SLCO1B1: variants seen among roughly 807,000 people sequenced by gnomAD.
SLCO1B1 encodes the protein OATP-2.
A neutral mutation model predicts 70.1 loss-of-function variants in SLCO1B1; 81 were observed. The ratio of observed to expected loss-of-function variants is 1.16; its 90% CI spans 0.97 to 1.39. SLCO1B1 has a LOEUF of 1.39. Among genes scored for constraint, SLCO1B1 ranks in the 40% most tolerant of loss-of-function variants. SLCO1B1 has a pLI of 0.00. For missense variants in SLCO1B1, 895 were observed against 799.6 expected (o/e 1.12, Z -1.44); for synonymous variants, 283 against 271.5 (o/e 1.04, Z -0.42).
rs1203654466 is a variant in SLCO1B1, at chr12:21,176,757, T to A, written c.360-19T>A. 2 of 1,507,346 alleles carry A rather than the reference T, an allele frequency of 1.3e-6. No homozygotes were observed. The highest frequency in any genetic ancestry group is 1.8e-6 in the Non-Finnish European group (2 of 1,085,644). The allele number at this position is 1,507,346 out of a possible 1,614,324, so 93.4% of individuals were successfully genotyped here. On this transcript the variant is annotated intron_variant, in intron 4 of 14. Coordinates refer to ENST00000256958, the MANE Select transcript of SLCO1B1 (RefSeq NM_006446.5). ...TTCAGTAGATAAGCAAAATGTTTAA[T>A]TCAGTGATGTTCTTACAGTTACAGG...
At chr12:21,199,963 G>T (rs1231452016) in intron 8 of SLCO1B1, among the ~76,000 whole-genome samples, 2 of 151,952 alleles carry the variant, frequency 1.3e-5, no homozygotes, top group Non-Finnish European at 2.9e-5. Context: ...CATCGTGCTG[G>T]CCAATGTTTG....
rs569043590 is a variant in SLCO1B1, at chr12:21,182,731, G to A, written c.727+3711G>A. On this transcript the variant is annotated intron_variant, in intron 7 of 14. Transcript: ENST00000256958. ...GGCCAGACAGTGGAGACACAGGCTA[G>A]TCCCAAAACCCCAGGGCTGCAGTGC... Among the ~76,000 whole-genome samples, 23 of 152,288 alleles carry A rather than the reference G, an allele frequency of 1.5e-4. No individual in the cohort carries two copies. In the East Asian group the frequency reaches 3.3e-3, roughly 22 times the overall value.
In SLCO1B1 at chr12:21,153,863, T is replaced by C. The variant is rs755551238; in HGVS notation, c.84+12205T>C. On this transcript the variant is annotated intron_variant, in intron 2 of 14. Coordinates refer to ENST00000256958, the MANE Select transcript of SLCO1B1 (RefSeq NM_006446.5). ...ATTTGGGCTATTATTTATACACCTATAAAATTTTCTCTAAGTGGTTATATT... is the reference window on the plus strand; with the variant it reads ...ATTTGGGCTATTATTTATACACCTACAAAATTTTCTCTAAGTGGTTATATT... Among the ~76,000 whole-genome samples, 63 of 152,104 alleles carry C rather than the reference T, an allele frequency of 4.1e-4. 1 individual carries two copies. The highest frequency in any genetic ancestry group is 5.6e-4 in the Non-Finnish European group (38 of 67,910).
intron 4 of SLCO1B1, among the ~76,000 whole-genome samples, chr12:21,176,222 C>T (rs1040257602): frequency 2.6e-5 from 4 of 152,040 alleles, no homozygotes; most frequent in Non-Finnish European, 5.9e-5. Context: ...AGCATAATGC[C>T]TGGAATACAG....
intron 8 of SLCO1B1, among the ~76,000 whole-genome samples, chr12:21,198,915 T>C (rs1312093793): frequency 2.0e-5 from 3 of 152,266 alleles, no homozygotes; most frequent in South Asian, 4.1e-4. Flanking sequence ...GCAACGCTTG[T>C]GTGAATGTAT....
At chr12:21,149,524 G>A (rs553487540) in intron 2 of SLCO1B1, among the ~76,000 whole-genome samples, 2 of 152,128 alleles carry the variant, frequency 1.3e-5, no homozygotes, top group Non-Finnish European at 2.9e-5. Flanking sequence ...TTTGAGACTG[G>A]TTAGACAGTG....
chr12:21,174,415 A>T (rs946992888), intron 3 of SLCO1B1, among the ~76,000 whole-genome samples, 162 bp from the exon 4 acceptor site: 12 of 152,232 alleles, frequency 7.9e-5, no homozygotes, highest in African/African-American at 2.9e-4. Context: ...CAACTTTTCA[A>T]TGAGTGGTCT....
chr12:21,181,354 A>G (rs1436162389), intron 7 of SLCO1B1, among the ~76,000 whole-genome samples: 1 of 152,166 alleles, frequency 6.6e-6, no homozygotes, highest in Non-Finnish European at 1.5e-5. Context: ...AAGTCATCAA[A>G]ATTACATTTG....
intron 2 of SLCO1B1, among the ~76,000 whole-genome samples, chr12:21,161,886 T>C (rs1338881423): frequency 2.0e-5 from 3 of 152,062 alleles, no homozygotes; most frequent in Non-Finnish European, 4.4e-5. Flanking sequence ...CATGTGCCCA[T>C]AGTCCTAGCT....
intron 1 of SLCO1B1, among the ~76,000 whole-genome samples, chr12:21,139,582 TAGTG>T (rs752498445): frequency 5.9e-5 from 9 of 152,142 alleles, no homozygotes; most frequent in Non-Finnish European, 1.2e-4. Context: ...TTGAATAAAT[TAGTG>T]AATAAAATAT....
chr12:21,215,019 G>A (rs189478184), intron 11 of SLCO1B1, among the ~76,000 whole-genome samples: 1,761 of 152,244 alleles, frequency 0.012, 20 homozygotes, highest in Middle Eastern at 0.024. Flanking sequence ...GAAATCACCC[G>A]TCTTCTGCGT....
intron 2 of SLCO1B1, among the ~76,000 whole-genome samples, chr12:21,171,814 A>T (rs7136445): frequency 1.3e-5 from 2 of 151,718 alleles, no homozygotes; most frequent in African/African-American, 4.8e-5. Flanking sequence ...CCATATCCTC[A>T]TTGTGTCATC....
At chr12:21,219,195 C>T (rs2417968) in intron 12 of SLCO1B1, among the ~76,000 whole-genome samples, 1 of 151,846 alleles carries the variant, frequency 6.6e-6, no homozygotes, top group African/African-American at 2.4e-5. Flanking sequence ...AAATAAATCA[C>T]AGTTAAGAAA....
At chr12:21,200,750 G>A in intron 9 of SLCO1B1, 78 bp downstream of exon 9, 1 of 1,272,098 alleles carries the variant, frequency 7.9e-7, no homozygotes, top group Non-Finnish European at 1.1e-6. Context: ...ATTTTATTGT[G>A]AAAGTGATTT....
intron 7 of SLCO1B1, among the ~76,000 whole-genome samples, chr12:21,189,931 AC>A (rs1210999570): frequency 6.6e-6 from 1 of 152,170 alleles, no homozygotes; most frequent in Non-Finnish European, 1.5e-5. Flanking sequence ...AAGAATAGTC[AC>A]CCTGCTGCAT....
intron 11 of SLCO1B1, among the ~76,000 whole-genome samples, chr12:21,209,831 G>C (rs1941259137): frequency 6.6e-6 from 1 of 151,920 alleles, no homozygotes; most frequent in South Asian, 2.1e-4. Flanking sequence ...ATTTTTTCAT[G>C]TGTTTTTTGG....
At chr12:21,234,243 T>C (rs932357361) in intron 14 of SLCO1B1, among the ~76,000 whole-genome samples, 2 of 151,288 alleles carry the variant, frequency 1.3e-5, no homozygotes, top group Non-Finnish European at 3.0e-5. Flanking sequence ...GGCCACAGGA[T>C]GAGATAGGCC....
intron 14 of SLCO1B1, among the ~76,000 whole-genome samples, chr12:21,238,328 C>T (rs927878326): frequency 2.6e-5 from 4 of 151,908 alleles, no homozygotes; most frequent in Admixed American, 2.0e-4. Context: ...TTACATTGTC[C>T]ATCTGTTATT....
intron 7 of SLCO1B1, among the ~76,000 whole-genome samples, chr12:21,179,489 G>A (rs11045821): frequency 0.11 from 16,676 of 152,102 alleles, 1,192 homozygotes; most frequent in Non-Finnish European, 0.16. Context: ...AGGGCTTGGC[G>A]TATGGCAATG....
Sources: allele counts gnomAD v4.1 joint callset (sites outside exome capture counted in the v4.1 genomes callset), GRCh38; gene constraint gnomAD v4.1.1; transcripts MANE v1.5; gene names NCBI Gene and HGNC (gene_info 2026-07-23, HGNC 2026-07-21).